The following COL19A1 variants were observed in gnomAD, a reference collection of about 807,000 sequenced individuals.
COL19A1 encodes collagen alpha-1(XIX) chain.
COL19A1 carries 159 observed loss-of-function variants against 190.2 expected under a neutral mutation model. The observed-to-expected ratio is 0.84, with a 90% CI of 0.73 to 0.95. COL19A1 has a LOEUF of 0.95. COL19A1 is among the 40% of genes least tolerant of loss of function. COL19A1 has a pLI of 0.00. For synonymous variants in COL19A1, 509 were observed against 458.9 expected (o/e 1.11, Z -1.39); for missense variants, 1,418 against 1,431.9 (o/e 0.99, Z 0.16).
In COL19A1 at chr6:69,897,772, G is replaced by A. The variant is rs79206454; in HGVS notation, c.92-1176G>A. Among the ~76,000 whole-genome samples the A allele has an allele frequency of 3.1e-3, 470 of 152,238 alleles. 4 individuals carry two copies. Among genetic ancestry groups the A allele is most frequent in the African/African-American group, 0.011 (449 of 41,556 alleles). Reference sequence around the variant, plus strand: ...TATTTAGAGCCTGCAATTGTATTAAGAGTTCTGAGATAGCAATTTTCCATA... The same window carrying A: ...TATTTAGAGCCTGCAATTGTATTAAAAGTTCTGAGATAGCAATTTTCCATA... On this transcript the variant is annotated intron_variant, in intron 2 of 50. Coordinates refer to ENST00000620364, the MANE Select transcript of COL19A1 (RefSeq NM_001858.6).
chr6:70,104,176 G>A (rs1166790344), intron 16 of COL19A1, among the ~76,000 whole-genome samples: 1 of 152,082 alleles, frequency 6.6e-6, no homozygotes, highest in African/African-American at 2.4e-5. Context: ...GGAATGAGGG[G>A]GTGAGGAAGC....
intron 11 of COL19A1, among the ~76,000 whole-genome samples, chr6:69,982,130 A>AG (rs1280718088): frequency 2.6e-5 from 4 of 152,170 alleles, no homozygotes; most frequent in Non-Finnish European, 4.4e-5. Flanking sequence ...AGAAAAAAAG[A>AG]GGGGGAGTTA....
intron 1 of COL19A1, among the ~76,000 whole-genome samples, chr6:69,878,478 G>T (rs1344768259): frequency 2.0e-5 from 3 of 151,984 alleles, no homozygotes; most frequent in Non-Finnish European, 2.9e-5. Context: ...CTTCCAAAGT[G>T]CTGGGATTAC....
intron 18 of COL19A1, among the ~76,000 whole-genome samples, chr6:70,131,513 G>C (rs1365066219): frequency 6.6e-6 from 1 of 152,136 alleles, no homozygotes; most frequent in Non-Finnish European, 1.5e-5. Flanking sequence ...TCCAAAAATT[G>C]ATTATACAGC....
chr6:70,150,705 T>C (rs985785875), intron 30 of COL19A1, among the ~76,000 whole-genome samples: 12 of 152,182 alleles, frequency 7.9e-5, no homozygotes, highest in Admixed American at 3.3e-4. Context: ...AAATCCTTTC[T>C]ACCTCCCACA....
At position 69,932,825 on chromosome 6, in the gene COL19A1, A is replaced by G. The variant is rs1300808148; in HGVS notation, c.709A>G (p.Ile237Val). ...TAAAATCTACTGCAGTGCAAACCTC[A>G]TAGCTCAAGAAACATGTTGTGAAAT... The part of the protein sequence containing the change: ...QLKIYCSANL[I>V]AQETCCEISD... The change falls in exon 7 of 51, where the codon ATA (isoleucine) becomes GTA (valine). Residue 237 changes from isoleucine (I) to valine (V), a missense_variant. Physicochemically the swap from Ile to Val is conservative, Grantham distance 29. Transcript: ENST00000620364. 1.9e-6 allele frequency: 3 copies of G among 1,609,460 alleles called. No individual in the cohort carries two copies. The highest frequency in any genetic ancestry group is 1.7e-5 in the Admixed American group (1 of 59,644).
chr6:70,193,047 C>A (rs1017125474), intron 48 of COL19A1, among the ~76,000 whole-genome samples: 2 of 151,928 alleles, frequency 1.3e-5, no homozygotes, highest in African/African-American at 2.4e-5. Context: ...AGTAATTAAC[C>A]CATCTTTTTG....
chr6:70,180,921 C>G (rs1484531135), intron 44 of COL19A1, among the ~76,000 whole-genome samples: 1 of 152,320 alleles, frequency 6.6e-6, no homozygotes, highest in South Asian at 2.1e-4. Flanking sequence ...CAAATTTCCT[C>G]CTTTGTATAC....
chr6:70,187,366 C>T (rs1046769763), intron 46 of COL19A1, among the ~76,000 whole-genome samples: 1 of 148,048 alleles, frequency 6.8e-6, no homozygotes, highest in Admixed American at 6.8e-5. Flanking sequence ...AGCACAAATA[C>T]AGAAAACAAA....
At chr6:70,049,307 C>CT (rs1362037811) in intron 14 of COL19A1, among the ~76,000 whole-genome samples, 1 of 151,546 alleles carries the variant, frequency 6.6e-6, no homozygotes, top group Non-Finnish European at 1.5e-5. Context: ...AAAATCAATC[C>CT]TTTTTTTTAT....
intron 7 of COL19A1, among the ~76,000 whole-genome samples, chr6:69,935,295 G>C (rs1236879422): frequency 6.6e-6 from 1 of 151,986 alleles, no homozygotes; most frequent in Non-Finnish European, 1.5e-5. Flanking sequence ...TTGCCTCTAG[G>C]CACTTTTTGT....
Position 70,144,900 on chromosome 6 carries a change from T to G in COL19A1, c.1681-18T>G. ...GAACCTGAGCATCAAAGTAAGAATC[T>G]TACCTTGTTTTCTACAGGGAGATCC... On this transcript the variant is annotated intron_variant, in intron 24 of 50. Transcript: ENST00000620364. 2 of 1,508,426 alleles carry G rather than the reference T, an allele frequency of 1.3e-6. No individual in the cohort carries two copies. The allele number at this position is 1,508,426 out of a possible 1,614,324, so 93.4% of individuals were successfully genotyped here.
intron 25 of COL19A1, among the ~76,000 whole-genome samples, chr6:70,146,457 T>A (rs1011784461): frequency 6.6e-6 from 1 of 152,082 alleles, no homozygotes; most frequent in South Asian, 2.1e-4. Flanking sequence ...CCTCATTTTA[T>A]AAATAAAAAT....
chr6:70,182,216 A>C (rs1168235131), intron 44 of COL19A1, among the ~76,000 whole-genome samples: 1 of 152,222 alleles, frequency 6.6e-6, no homozygotes, highest in African/African-American at 2.4e-5. Flanking sequence ...TGTACATTGA[A>C]GAGAGAGCCA....
At chr6:69,943,639 G>GT (rs1161539996) in intron 9 of COL19A1, among the ~76,000 whole-genome samples, 1 of 152,052 alleles carries the variant, frequency 6.6e-6, no homozygotes, top group African/African-American at 2.4e-5. Context: ...TTCCAACACT[G>GT]TTTAACAAAA....
intron 48 of COL19A1, among the ~76,000 whole-genome samples, chr6:70,197,158 C>T (rs781452624): frequency 2.6e-5 from 4 of 151,800 alleles, no homozygotes; most frequent in Non-Finnish European, 4.4e-5. Flanking sequence ...CAGTGGCTCA[C>T]GCCTGTAATC....
intron 44 of COL19A1, among the ~76,000 whole-genome samples, chr6:70,184,472 T>C (rs888901829): frequency 1.3e-5 from 2 of 152,232 alleles, no homozygotes; most frequent in African/African-American, 4.8e-5. Context: ...ATTGATGCTA[T>C]TGAGGTTAAG....
At chr6:70,136,511 G>A (rs1205296514) in intron 18 of COL19A1, among the ~76,000 whole-genome samples, 1 of 152,118 alleles carries the variant, frequency 6.6e-6, no homozygotes, top group East Asian at 1.9e-4. Flanking sequence ...ACAATGCTGA[G>A]TGGAAAAAAC....
At chr6:69,899,312 A>T (rs1285980826) in intron 3 of COL19A1, among the ~76,000 whole-genome samples, 2 of 151,752 alleles carry the variant, frequency 1.3e-5, no homozygotes, top group African/African-American at 2.4e-5. Flanking sequence ...CTACAGGCAC[A>T]TGGCTATTTT....
Sources: gnomAD v4.1 joint callset for allele counts (sites outside exome capture counted in the v4.1 genomes callset) on GRCh38, gnomAD v4.1.1 for gene constraint, MANE v1.5 for transcripts, NCBI Gene and HGNC (gene_info 2026-07-23, HGNC 2026-07-21) for gene names.